The following IGSF9B variants were observed in gnomAD, a reference collection of about 807,000 sequenced individuals.
IGSF9B encodes protein turtle homolog B.
A neutral mutation model predicts 143.7 loss-of-function variants in IGSF9B; 48 were observed. That is an observed-to-expected ratio of 0.33 (90% CI 0.26 to 0.42). The LOEUF is 0.42. Among genes scored for constraint, IGSF9B ranks in the 20% least tolerant of loss-of-function variants. IGSF9B has a pLI of 1.00. For synonymous variants in IGSF9B, 903 were observed against 833.1 expected, an observed-to-expected ratio of 1.08 and a Z score of -1.44; for missense variants, 1,706 against 1,980.0, an observed-to-expected ratio of 0.86 and a Z score of 2.63.
chr11:133,945,664 A>G lies in IGSF9B; in HGVS notation c.262+397T>C, dbSNP rs186783641. Among the ~76,000 whole-genome samples the G allele has an allele frequency of 6.6e-6, 1 of 151,826 alleles. No homozygotes were observed. Among genetic ancestry groups the G allele is most frequent in the Non-Finnish European group, 1.5e-5 (1 of 67,962 alleles). On this transcript the variant is annotated intron_variant, in intron 2 of 19. Coordinates refer to ENST00000533871, the MANE Select transcript of IGSF9B (RefSeq NM_001277285.4). The surrounding 1 kb of genome is among the most constrained non-coding windows in gnomAD (Gnocchi z 4.6). The stretch of plus-strand genomic sequence containing the variant: ...TGGGAGGCCAAAGATTCATCCATAC[A>G]CTCAGGACGGGAAGGCGCCCCGACT...
At chr11:133,921,956 C>T (rs1460432552) in intron 17 of IGSF9B, among the ~76,000 whole-genome samples, 1 of 152,192 alleles carries the variant, frequency 6.6e-6, no homozygotes, top group African/African-American at 2.4e-5. Flanking sequence ...TGCACTGCCA[C>T]TCCCTCTACC....
chr11:133,904,533 C>T lies in IGSF9B; in HGVS notation c.*4536G>A, dbSNP rs533745271. ...ACATGCAGGACCCCACCCCACAATCCGTCCCTGATGCCCAGATCCCCCTCC... is the reference window on the plus strand; with the variant it reads ...ACATGCAGGACCCCACCCCACAATCTGTCCCTGATGCCCAGATCCCCCTCC... On this transcript the variant is annotated 3_prime_UTR_variant, in exon 20 of 20. Coordinates refer to ENST00000533871, the MANE Select transcript of IGSF9B (RefSeq NM_001277285.4). Among the ~76,000 whole-genome samples, 2 of 152,158 alleles carry T rather than the reference C, an allele frequency of 1.3e-5. No homozygotes were observed. The highest frequency in any genetic ancestry group is 1.9e-4 in the East Asian group (1 of 5,166).
chr11:133,925,128 G>A (rs1020543105), intron 14 of IGSF9B, among the ~76,000 whole-genome samples: 4 of 152,182 alleles, frequency 2.6e-5, no homozygotes, highest in Non-Finnish European at 4.4e-5. Flanking sequence ...CACCGAAAGC[G>A]TTGGGAAGAG....
intron 5 of IGSF9B, 40 bp downstream of exon 5, chr11:133,937,336 G>T: frequency 1.4e-6 from 2 of 1,464,912 alleles, no homozygotes; most frequent in Non-Finnish European, 1.9e-6. Context: ...ACATCCCCGC[G>T]GGAGCCCAGG....
At chr11:133,952,084 T>G (rs774549740) in intron 1 of IGSF9B, 18 of 454,976 alleles carry the variant, frequency 4.0e-5, no homozygotes, top group Non-Finnish European at 4.4e-5. Context: ...CTGAGACTCC[T>G]CCCAGCTCTG....
chr11:133,919,288 G>A (rs907456836), intron 18 of IGSF9B, among the ~76,000 whole-genome samples: 2 of 152,146 alleles, frequency 1.3e-5, no homozygotes, highest in Non-Finnish European at 2.9e-5. Flanking sequence ...GAGAAGTCAG[G>A]CTCCGGGGTC....
Position 133,931,019 on chromosome 11 carries a change from G to A in IGSF9B, c.1484C>T (p.Thr495Met), listed in dbSNP as rs755959469. Residue 495 changes from threonine to methionine, a missense_variant, in exon 11 of 20, where the codon ACG becomes ATG. Thr to Met is a moderately conservative substitution (Grantham distance 81). Transcript: ENST00000533871. The surrounding 1 kb of genome is among the most constrained non-coding windows in gnomAD (Gnocchi z 7.7). ...GAGGTGGGTGCTGGCAGTGATGCTC[G>A]TGACCACGTTGGTGGCGACACATTC... Reference protein sequence around the residue: ...EWECVATNVVTSITASTHLTV... With the variant: ...EWECVATNVVMSITASTHLTV... The A allele has an allele frequency of 5.6e-6, 9 of 1,613,254 alleles. No homozygotes were observed. Among genetic ancestry groups the A allele is most frequent in the South Asian group, 5.5e-5 (5 of 91,028 alleles).
At chr11:133,940,149 CAAAA>C (rs373108186) in intron 3 of IGSF9B, among the ~76,000 whole-genome samples, 2 of 130,258 alleles carry the variant, frequency 1.5e-5, no homozygotes, top group Non-Finnish European at 3.2e-5. Context: ...TCATCGCACG[CAAAA>C]ACACACCTCG....
chr11:133,920,098 G>C lies in IGSF9B; in HGVS notation c.3627C>G (p.Leu1209=), dbSNP rs1939489656. ...GCTCAGGGGAGCCGGTGCGGGAGCT[G>C]AGGGGGCTTTGGGTCAGAGGTGAGA... ...SRLSPLTQSP[L]SSRTGSPELA... Residue 1209 remains leucine, a synonymous_variant, in exon 18 of 20, where the codon CTC becomes CTG. Coordinates refer to ENST00000533871, the MANE Select transcript of IGSF9B (RefSeq NM_001277285.4). 6.6e-7 allele frequency: 1 copy of C among 1,522,060 alleles called. No individual in the cohort carries two copies. Among genetic ancestry groups the C allele is most frequent in the Non-Finnish European group, 8.8e-7 (1 of 1,135,588 alleles). 94.3% of individuals were successfully genotyped at this position (1,522,060 alleles called of 1,614,324 possible).
Position 133,953,690 on chromosome 11 carries a change from G to A in IGSF9B, c.64+3001C>T, listed in dbSNP as rs1940203030. Among the ~76,000 whole-genome samples, 2 of 152,198 alleles carry A rather than the reference G, an allele frequency of 1.3e-5. No homozygotes were observed. The highest frequency in any genetic ancestry group is 2.9e-5 in the Non-Finnish European group (2 of 68,034). ...ACAGAATCTGTGGCAGACAGAGGAG[G>A]CAGCCGTGGGAGTAAAGTCTGGGAC... is the stretch of plus-strand genomic sequence containing the variant. On this transcript the variant is annotated intron_variant, in intron 1 of 19. Transcript: ENST00000533871. This position sits in a 1 kb window ranked among gnomAD's most constrained non-coding sequence, Gnocchi z 4.2.
At position 133,929,699 on chromosome 11, in the gene IGSF9B, C is replaced by T; in HGVS notation, c.1603G>A (p.Gly535Arg). The T allele has an allele frequency of 6.2e-7, 1 of 1,613,658 alleles. No individual in the cohort carries two copies. The highest frequency in any genetic ancestry group is 8.5e-7 in the Non-Finnish European group (1 of 1,179,566). Reference protein sequence around the residue: ...ANVSWEPGYDGGYEQTFSVWM... With the variant: ...ANVSWEPGYDRGYEQTFSVWM... ...ACTGAGAATGTCTGCTCGTAGCCTC[C>T]ATCATAGCCTGGTTCCCAGGACACG... Residue 535 changes from glycine (G) to arginine (R), a missense_variant, in exon 12 of 20, where the codon GGA (glycine) becomes AGA (arginine). Transcript: ENST00000533871.
chr11:133,919,382 G>C (rs1939463366), intron 18 of IGSF9B, among the ~76,000 whole-genome samples: 1 of 152,202 alleles, frequency 6.6e-6, no homozygotes, highest in African/African-American at 2.4e-5. Flanking sequence ...CCTGCCCGAT[G>C]CCAGGACCGC....
rs1390303374 is a variant in IGSF9B at position 133,898,964 on chromosome 11, T to C, written c.*10105A>G. ...CAGCAAAAATCCACGACAGAGCCTT[T>C]TCCCCAAGCTGCTGGTTGGTGACAG... On this transcript the variant is annotated 3_prime_UTR_variant, in exon 20 of 20. Coordinates refer to ENST00000533871, the MANE Select transcript of IGSF9B (RefSeq NM_001277285.4). The C allele has an allele frequency of 1.3e-5, 2 of 152,358 alleles. No homozygotes were observed. The highest frequency in any genetic ancestry group is 2.9e-5 in the Non-Finnish European group (2 of 68,154). 9.4% of individuals were successfully genotyped at this position (152,358 alleles called of 1,614,324 possible).
chr11:133,950,207 C>T (rs1262637116), intron 1 of IGSF9B, among the ~76,000 whole-genome samples: 9 of 152,260 alleles, frequency 5.9e-5, no homozygotes, highest in Middle Eastern at 3.4e-3. Flanking sequence ...GCTCCTCCGC[C>T]GGGGAAGGGC....
At chr11:133,951,444 G>T (rs1014732786) in intron 1 of IGSF9B, among the ~76,000 whole-genome samples, 1 of 152,368 alleles carries the variant, frequency 6.6e-6, no homozygotes, top group South Asian at 2.1e-4. Flanking sequence ...GAGGCACTGG[G>T]GAGGTGCAAG....
chr11:133,918,226 C>T (rs1169395292), intron 18 of IGSF9B, among the ~76,000 whole-genome samples: 1 of 151,908 alleles, frequency 6.6e-6, no homozygotes, highest in East Asian at 1.9e-4. Context: ...GCCTGCCCGC[C>T]CCCGCCCGCC....
intron 4 of IGSF9B, 47 bp from the exon 5 acceptor site, chr11:133,937,540 C>T: frequency 8.4e-6 from 12 of 1,427,816 alleles, no homozygotes; most frequent in East Asian, 2.3e-5. Context: ...CTCACACCCA[C>T]CGCTGCTACC....
intron 19 of IGSF9B, among the ~76,000 whole-genome samples, chr11:133,910,629 C>T (rs1046215137): frequency 8.5e-5 from 13 of 152,048 alleles, no homozygotes; most frequent in African/African-American, 2.7e-4. Flanking sequence ...GCGTATGAAA[C>T]ACCCAAGTGC....
At position 133,931,626 on chromosome 11, in the gene IGSF9B, T is replaced by A; in HGVS notation, c.1251+29A>T. ...GCCGGGGATCCAGGTGCCCAGCTCA[T>A]GGAGGCCGTCACAGCCCTGGGACCT... On this transcript the variant is annotated intron_variant, in intron 9 of 19. Coordinates refer to ENST00000533871, the MANE Select transcript of IGSF9B (RefSeq NM_001277285.4). The surrounding 1 kb of genome is among the most constrained non-coding windows in gnomAD (Gnocchi z 7.7). 6.2e-7 allele frequency: 1 copy of A among 1,608,340 alleles called. No individual in the cohort carries two copies. The highest frequency in any genetic ancestry group is 8.5e-7 in the Non-Finnish European group (1 of 1,176,368).
Sources: allele counts gnomAD v4.1 joint callset (sites outside exome capture counted in the v4.1 genomes callset), GRCh38; gene constraint gnomAD v4.1.1; non-coding constraint Gnocchi (gnomAD v3.1); transcripts MANE v1.5; gene names NCBI Gene and HGNC (gene_info 2026-07-23, HGNC 2026-07-21).